DOCK9: variants seen among roughly 807,000 people sequenced by gnomAD.
DOCK9 encodes dedicator of cytokinesis 9, also known as dedicator of cytokinesis protein 9.
A neutral mutation model predicts 263.3 loss-of-function variants in DOCK9; 89 were observed. The observed-to-expected ratio is 0.34, with a 90% CI of 0.28 to 0.40. The LOEUF is 0.40. Among genes scored for constraint, DOCK9 ranks in the 10% least tolerant of loss-of-function variants. The pLI is 1.00. For missense variants in DOCK9, 2,140 were observed against 2,603.4 expected (o/e 0.82, Z 3.87); for synonymous variants, 976 against 973.1 (o/e 1.00, Z -0.06).
At chr13:98,889,456 T>G (rs896909202) in intron 15 of DOCK9, among the ~76,000 whole-genome samples, 1 of 152,222 alleles carries the variant, frequency 6.6e-6, no homozygotes, top group Non-Finnish European at 1.5e-5. Context: ...TAGGCTCCAG[T>G]GTCCAGCACA....
chr13:98,824,627 G>T (rs778124818), intron 44 of DOCK9, 123 bp from the exon 45 acceptor site: 11 of 857,628 alleles, frequency 1.3e-5, no homozygotes, highest in Non-Finnish European at 2.0e-5. Flanking sequence ...AATCTCTTAG[G>T]CACCAGGCCA....
chr13:98,876,943 T>C (rs1014984127), intron 27 of DOCK9, among the ~76,000 whole-genome samples: 3 of 152,246 alleles, frequency 2.0e-5, no homozygotes, highest in Non-Finnish European at 4.4e-5. Flanking sequence ...GAGTTTCCAC[T>C]TAAGCACTTA....
At chr13:98,974,709 C>A in intron 1 of DOCK9, among the ~76,000 whole-genome samples, 1 of 120,764 alleles carries the variant, frequency 8.3e-6, no homozygotes. Context: ...GAGATCATGC[C>A]ATTGTACTCC....
intron 2 of DOCK9, among the ~76,000 whole-genome samples, chr13:98,933,684 G>T (rs2054320887): frequency 6.6e-6 from 1 of 152,180 alleles, no homozygotes. Context: ...TGCATGTCTT[G>T]AACTACACAC....
intron 27 of DOCK9, among the ~76,000 whole-genome samples, chr13:98,868,844 AG>A (rs1248576603): frequency 2.0e-5 from 3 of 152,242 alleles, no homozygotes; most frequent in Admixed American, 6.5e-5. Context: ...GTACTGTGAA[AG>A]TGTTCAAATA....
Position 98,902,967 on chromosome 13 carries a change from A to G in DOCK9, c.1176+5T>C, listed in dbSNP as rs1157778952. 2.0e-6 allele frequency: 3 copies of G among 1,499,936 alleles called. No homozygotes were observed. Among genetic ancestry groups the G allele is most frequent in the Admixed American group, 2.7e-5 (1 of 36,978 alleles). 92.9% of individuals were successfully genotyped at this position (1,499,936 alleles called of 1,614,324 possible). A position where few individuals can be genotyped will look rare whatever the true frequency, so the allele number is the denominator to read the frequency against. ...TTAATGTTTATTTTTAAAATGAAAA[A>G]TTACATTTGTAGTGGGTCCTTCTTC... On this transcript the variant is annotated splice_donor_5th_base_variant and intron_variant, in intron 11 of 52. Transcript: ENST00000682017.
intron 45 of DOCK9, among the ~76,000 whole-genome samples, chr13:98,819,382 A>G (rs1274147162): frequency 2.6e-5 from 4 of 152,214 alleles, no homozygotes; most frequent in Non-Finnish European, 4.4e-5. Context: ...TTTCCAAGTC[A>G]TGAAGAACTC....
At chr13:99,059,759 A>G (rs537774690) in intron 1 of DOCK9, among the ~76,000 whole-genome samples, 3 of 152,240 alleles carry the variant, frequency 2.0e-5, no homozygotes, top group African/African-American at 7.2e-5. Flanking sequence ...AATCATCATA[A>G]CAATCTAATT....
intron 1 of DOCK9, among the ~76,000 whole-genome samples, chr13:99,025,767 A>C (rs1053767231): frequency 2.0e-5 from 3 of 152,274 alleles, no homozygotes; most frequent in Non-Finnish European, 2.9e-5. Flanking sequence ...AGCACTGTTC[A>C]TAATAAACAA....
chr13:98,922,171 A>G (rs755990573), intron 5 of DOCK9, 25 bp from the exon 6 acceptor site: 8 of 1,539,094 alleles, frequency 5.2e-6, no homozygotes, highest in East Asian at 4.7e-5. Flanking sequence ...AAACACCAGC[A>G]GTCAACCTCC....
chr13:98,798,487 A>T (rs1215643734), intron 50 of DOCK9, among the ~76,000 whole-genome samples: 1 of 152,180 alleles, frequency 6.6e-6, no homozygotes, highest in East Asian at 1.9e-4. Flanking sequence ...GGAACTCAGC[A>T]CCAGGCTGGT....
At chr13:98,965,003 G>A (rs913863522) in intron 1 of DOCK9, among the ~76,000 whole-genome samples, 1 of 152,228 alleles carries the variant, frequency 6.6e-6, no homozygotes, top group Non-Finnish European at 1.5e-5. Context: ...CTCCTCTGAA[G>A]TAAGCAAATA....
At chr13:98,835,522 C>T (rs1284664737) in intron 39 of DOCK9, among the ~76,000 whole-genome samples, 1 of 152,132 alleles carries the variant, frequency 6.6e-6, no homozygotes, top group African/African-American at 2.4e-5. Context: ...TAAACCTGCA[C>T]AGAGATCACC....
At chr13:98,867,576 T>C (rs1191131546) in intron 29 of DOCK9, 40 bp from the exon 30 acceptor site, 1 of 1,241,130 alleles carries the variant, frequency 8.1e-7, no homozygotes, top group Non-Finnish European at 1.2e-6. Context: ...CCTCACTGGA[T>C]ATTTTATACA....
chr13:98,908,840 G>T (rs143097312), intron 9 of DOCK9, among the ~76,000 whole-genome samples: 47 of 152,214 alleles, frequency 3.1e-4, no homozygotes, highest in African/African-American at 1.1e-3. Flanking sequence ...CGGCAAGCAC[G>T]CTTCTTTTTA....
chr13:98,838,365 G>A (rs1295542785), intron 38 of DOCK9, among the ~76,000 whole-genome samples: 2 of 152,206 alleles, frequency 1.3e-5, no homozygotes, highest in African/African-American at 2.4e-5. Flanking sequence ...CACATTGAGC[G>A]CTATGGAGGT....
chr13:98,887,987 C>A, intron 18 of DOCK9, 171 bp downstream of exon 18: 4 of 518,970 alleles, frequency 7.7e-6, no homozygotes, highest in South Asian at 5.8e-5. Context: ...CTAAATATTC[C>A]ATATTCGATA....
chr13:98,862,546 G>A (rs999078005), intron 32 of DOCK9, among the ~76,000 whole-genome samples: 7 of 152,034 alleles, frequency 4.6e-5, no homozygotes, highest in Non-Finnish European at 8.8e-5. Flanking sequence ...AAAATTGGCC[G>A]GATGTGGTGG....
intron 1 of DOCK9, among the ~76,000 whole-genome samples, chr13:98,994,126 A>G (rs1367259467): frequency 2.0e-5 from 3 of 152,274 alleles, no homozygotes; most frequent in East Asian, 3.8e-4. Flanking sequence ...ACTAGACTTT[A>G]TCTACTTTAG....
Sources: gnomAD v4.1 joint callset for allele counts (sites outside exome capture counted in the v4.1 genomes callset) on GRCh38, gnomAD v4.1.1 for gene constraint, MANE v1.5 for transcripts, NCBI Gene and HGNC (gene_info 2026-07-23, HGNC 2026-07-21) for gene names.